TRPV4: variants seen among roughly 807,000 people sequenced by gnomAD.
The protein encoded by TRPV4 is transient receptor potential cation channel subfamily V member 4.
A neutral mutation model predicts 84.1 loss-of-function variants in TRPV4; 58 were observed. That is an observed-to-expected ratio of 0.69 (90% confidence interval 0.56 to 0.86). TRPV4 has a LOEUF of 0.86. TRPV4 is among the 40% of genes least tolerant of loss of function. The pLI is 0.00. For missense variants in TRPV4, 879 were observed against 1,181.1 expected (o/e 0.74, Z 3.75); for synonymous variants, 489 against 500.9 (o/e 0.98, Z 0.32).
chr12:109,825,847 G>A (rs974181061), intron 1 of TRPV4, among the ~76,000 whole-genome samples: 2 of 152,204 alleles, frequency 1.3e-5, no homozygotes, highest in African/African-American at 2.4e-5. Flanking sequence ...GCCCAAGGCA[G>A]CAGAAAACCA....
intron 12 of TRPV4, 81 bp downstream of exon 12, chr12:109,792,282 C>T: frequency 4.5e-6 from 4 of 891,632 alleles, no homozygotes; most frequent in Non-Finnish European, 5.5e-6. Context: ...AGCAAGGCTG[C>T]TATTGTCCCC....
chr12:109,814,653 C>A lies in TRPV4; in HGVS notation c.144G>T (p.Ser48=), dbSNP rs748274621. Residue 48 remains serine, a synonymous_variant, in exon 2 of 16, where the codon TCG becomes TCT. Transcript: ENST00000261740. This position sits in a 1 kb window ranked among gnomAD's most constrained non-coding sequence, Gnocchi z 5.4. ...GGCGACTGGCATCAGCCGGTGAGGG[C>A]GAAAGGGAGCCATCCTCCCCCTCAA... ...NLFEGEDGSL[S]PSPADASRPA... is the part of the protein sequence containing the mutation. The A allele has an allele frequency of 6.2e-7, 1 of 1,613,414 alleles. No homozygotes were observed.
chr12:109,800,819 G>A, intron 4 of TRPV4, 61 bp from the exon 5 acceptor site: 3 of 1,570,750 alleles, frequency 1.9e-6, no homozygotes, highest in Non-Finnish European at 2.6e-6. Flanking sequence ...CAGGCTTGCT[G>A]GGGGTGGGGG....
Position 109,783,514 on chromosome 12 carries a change from G to T in TRPV4, c.*107C>A. On this transcript the variant is annotated 3_prime_UTR_variant, in exon 16 of 16. Coordinates refer to ENST00000261740, the MANE Select transcript of TRPV4 (RefSeq NM_021625.5). This position sits in a 1 kb window ranked among gnomAD's most constrained non-coding sequence, Gnocchi z 4.6. Reference sequence around the variant, plus strand: ...TCCCTGGCACCTCCACTGGTCCCTCGCCTCTGGGGCCAAAGCAGGGTGTGG... The same window carrying T: ...TCCCTGGCACCTCCACTGGTCCCTCTCCTCTGGGGCCAAAGCAGGGTGTGG... The T allele has an allele frequency of 3.4e-6, 5 of 1,455,586 alleles. No homozygotes were observed. In the South Asian group the frequency reaches 4.0e-5, roughly 12 times the overall value. The allele number at this position is 1,455,586 out of a possible 1,614,324, so 90.2% of individuals were successfully genotyped here.
Position 109,796,710 on chromosome 12 carries a change from C to G in TRPV4, c.1153-6G>C. The G allele has an allele frequency of 6.2e-7, 1 of 1,608,512 alleles. No individual in the cohort carries two copies. The highest frequency in any genetic ancestry group is 1.1e-5 in the South Asian group (1 of 90,672). ...CGGATGATGTGCTGAAAGATCTGCA[C>G]AGGGGGCCAGGAGGGTCAGGGGGCT... On this transcript the variant is annotated splice_region_variant and splice_polypyrimidine_tract_variant and intron_variant, in intron 6 of 15. Coordinates refer to ENST00000261740, the MANE Select transcript of TRPV4 (RefSeq NM_021625.5). This position sits in a 1 kb window ranked among gnomAD's most constrained non-coding sequence, Gnocchi z 4.2.
intron 15 of TRPV4, 144 bp downstream of exon 15, chr12:109,784,172 C>T: frequency 5.2e-6 from 7 of 1,358,138 alleles, no homozygotes; most frequent in Non-Finnish European, 7.2e-6. Flanking sequence ...CCCAGGCATT[C>T]ACAAGCAGCA....
intron 1 of TRPV4, among the ~76,000 whole-genome samples, chr12:109,823,581 T>C (rs1396292646): frequency 6.6e-6 from 1 of 152,106 alleles, no homozygotes; most frequent in Non-Finnish European, 1.5e-5. Flanking sequence ...CAGGATTCCA[T>C]TTATATGAAA....
At chr12:109,818,171 G>A (rs541716464) in intron 1 of TRPV4, among the ~76,000 whole-genome samples, 29 of 152,150 alleles carry the variant, frequency 1.9e-4, no homozygotes, top group Non-Finnish European at 3.8e-4. Flanking sequence ...CCAGGTGAGG[G>A]TGAAGGGGAG....
At chr12:109,811,140 A>G (rs10850801) in intron 2 of TRPV4, among the ~76,000 whole-genome samples, 95,571 of 151,964 alleles carry the variant, frequency 0.63, 31,476 homozygotes, top group East Asian at 0.96. Context: ...CTTAAATGTC[A>G]ACTCCTCCAA....
rs748046273 is a variant in TRPV4, at chr12:109,793,914, G to C, written c.1584+16C>G. ...GAGGGCAGGCAGGGTGGGGGGCACG[G>C]GGGCCAGGCACTTACGTTGGTGAAG... On this transcript the variant is annotated intron_variant, in intron 9 of 15. Transcript: ENST00000261740. This position sits in a 1 kb window ranked among gnomAD's most constrained non-coding sequence, Gnocchi z 4.0. The C allele has an allele frequency of 1.3e-6, 2 of 1,596,578 alleles. No individual in the cohort carries two copies. Among genetic ancestry groups the C allele is most frequent in the Non-Finnish European group, 8.5e-7 (1 of 1,170,332 alleles).
intron 12 of TRPV4, among the ~76,000 whole-genome samples, chr12:109,789,439 TC>T (rs1281377822): frequency 6.6e-6 from 1 of 152,086 alleles, no homozygotes; most frequent in African/African-American, 2.4e-5. Context: ...TCTGACAGTT[TC>T]CCACTCCACC....
rs1037707552 is a variant in TRPV4 at position 109,826,899 on chromosome 12, G to A, written c.-32+6451C>T. Among the ~76,000 whole-genome samples, 8 of 152,222 alleles carry A rather than the reference G, an allele frequency of 5.3e-5. No homozygotes were observed. In the East Asian group the frequency reaches 7.7e-4, roughly 15 times the overall value. Reference sequence around the variant, plus strand: ...TCACAAAGTGGCCTCAAAGCACTGCGTGTGGAATGATGTCACTCGGACAAA... The same window carrying A: ...TCACAAAGTGGCCTCAAAGCACTGCATGTGGAATGATGTCACTCGGACAAA... On this transcript the variant is annotated intron_variant, in intron 1 of 15. Coordinates refer to ENST00000261740, the MANE Select transcript of TRPV4 (RefSeq NM_021625.5).
At chr12:109,784,957 C>T (rs1392553621) in intron 14 of TRPV4, among the ~76,000 whole-genome samples, 2 of 151,672 alleles carry the variant, frequency 1.3e-5, no homozygotes, top group East Asian at 3.9e-4. Context: ...TAAGCACATC[C>T]ACATTGTGTG....
chr12:109,804,659 A>C (rs935043815), intron 3 of TRPV4, among the ~76,000 whole-genome samples: 16 of 152,210 alleles, frequency 1.1e-4, no homozygotes, highest in African/African-American at 3.9e-4. Flanking sequence ...TTCCAGGAGC[A>C]GGGTTGTTTG....
intron 1 of TRPV4, among the ~76,000 whole-genome samples, chr12:109,826,304 G>A (rs1276034852): frequency 3.9e-5 from 6 of 152,300 alleles, no homozygotes; most frequent in Non-Finnish European, 8.8e-5. Context: ...GATTACAGGC[G>A]TGAACCACCA....
Position 109,825,802 on chromosome 12 carries a change from G to A in TRPV4, c.-32+7548C>T, listed in dbSNP as rs11068462. Among the ~76,000 whole-genome samples the A allele has an allele frequency of 1.7e-3, 265 of 152,294 alleles. 9 individuals carry two copies. The East Asian group carries it at 0.049, about 28-fold the overall frequency. Reference sequence around the variant, plus strand: ...AGGAGGGGGAAGAGGGCAGGTGCCCGTTATGAGTGGATGGGGCAGGAGTCG... The same window carrying A: ...AGGAGGGGGAAGAGGGCAGGTGCCCATTATGAGTGGATGGGGCAGGAGTCG... On this transcript the variant is annotated intron_variant, in intron 1 of 15. Coordinates refer to ENST00000261740, the MANE Select transcript of TRPV4 (RefSeq NM_021625.5).
At chr12:109,827,279 C>T (rs895159441) in intron 1 of TRPV4, among the ~76,000 whole-genome samples, 9 of 152,264 alleles carry the variant, frequency 5.9e-5, no homozygotes, top group African/African-American at 2.2e-4. Flanking sequence ...TCAACAAGAC[C>T]AGGACACTCA....
chr12:109,800,955 C>G (rs771744899), intron 4 of TRPV4, among the ~76,000 whole-genome samples, 197 bp from the exon 5 acceptor site: 1 of 152,220 alleles, frequency 6.6e-6, no homozygotes, highest in Non-Finnish European at 1.5e-5. Flanking sequence ...GAATCTCAAG[C>G]CTGAAGGATA....
At chr12:109,795,929 A>AT (rs72406308) in intron 7 of TRPV4, among the ~76,000 whole-genome samples, 80,293 of 148,884 alleles carry the variant, frequency 0.54, 22,302 homozygotes, top group East Asian at 0.92. Flanking sequence ...CATTTTTATT[A>AT]TTTTTTTTTG....
Sources: gnomAD v4.1 joint callset for allele counts (sites outside exome capture counted in the v4.1 genomes callset) on GRCh38, gnomAD v4.1.1 for gene constraint, Gnocchi (gnomAD v3.1) non-coding constraint, MANE v1.5 for transcripts, NCBI Gene and HGNC (gene_info 2026-07-23, HGNC 2026-07-21) for gene names.